The following DESI2 variants were observed in gnomAD, a reference collection of about 807,000 sequenced individuals.
DESI2 encodes desumoylating isopeptidase 2.
A neutral mutation model predicts 24.1 loss-of-function variants in DESI2; 10 were observed. The observed-to-expected ratio is 0.41, with a 90% CI of 0.26 to 0.70. The LOEUF (loss-of-function observed/expected upper bound fraction) is 0.70. Ranked by LOEUF, DESI2 falls within the 30% of genes least tolerant of loss-of-function variation. DESI2 has a pLI of 0.29. For synonymous variants in DESI2, 71 were observed against 87.7 expected (o/e 0.81, Z 1.06); for missense variants, 122 against 234.9 (o/e 0.52, Z 3.14).
At chr1:244,661,802 T>C (rs906048083) in intron 1 of DESI2, among the ~76,000 whole-genome samples, 6 of 152,346 alleles carry the variant, frequency 3.9e-5, no homozygotes, top group Non-Finnish European at 8.8e-5. Context: ...CTTAATCCAG[T>C]CTATCATTGA....
At chr1:244,682,679 A>G (rs767997693) in intron 1 of DESI2, among the ~76,000 whole-genome samples, 1 of 152,236 alleles carries the variant, frequency 6.6e-6, no homozygotes, top group African/African-American at 2.4e-5. Flanking sequence ...CAACTCTGCC[A>G]TTGTGGCATA....
At chr1:244,699,860 G>T (rs1203623097) in intron 4 of DESI2, among the ~76,000 whole-genome samples, 1 of 152,144 alleles carries the variant, frequency 6.6e-6, no homozygotes, top group Non-Finnish European at 1.5e-5. Flanking sequence ...ACCTTTTTAA[G>T]ATGCTGCAAG....
intron 1 of DESI2, among the ~76,000 whole-genome samples, chr1:244,662,452 A>T (rs1370238310): frequency 6.6e-6 from 1 of 152,128 alleles, no homozygotes; most frequent in African/African-American, 2.4e-5. Context: ...TAAACTTATA[A>T]ATTAACTTGG....
chr1:244,694,671 G>A (rs1486882973), intron 4 of DESI2: 7 of 772,896 alleles, frequency 9.1e-6, no homozygotes, highest in South Asian at 2.7e-5. Flanking sequence ...GCAGTGGCAC[G>A]TGTGCGTCTT....
rs934286148 is a variant in DESI2, at chr1:244,705,911, T to G, written c.*122T>G. On this transcript the variant is annotated 3_prime_UTR_variant, in exon 5 of 5. Transcript: ENST00000302550. ...AAGATGGCTCTCCCCCAAATCCCAG[T>G]TTTTCAGCTCAGGATTATATTTGTA... is the stretch of plus-strand genomic sequence containing the variant. 1 of 704,846 alleles carries G rather than the reference T, an allele frequency of 1.4e-6. No homozygotes were observed. The highest frequency in any genetic ancestry group is 2.3e-6 in the Non-Finnish European group (1 of 431,290). The allele number at this position is 704,846 out of a possible 1,614,324, so 43.7% of individuals were successfully genotyped here.
intron 4 of DESI2, among the ~76,000 whole-genome samples, chr1:244,697,213 T>C (rs1278927903): frequency 2.0e-5 from 3 of 152,006 alleles, no homozygotes; most frequent in Non-Finnish European, 2.9e-5. Context: ...CACAGAAATA[T>C]AACAGAAGGA....
At position 244,706,658 on chromosome 1, in the gene DESI2, G is replaced by GTA. The variant is rs1326650956; in HGVS notation, c.*870_*871dup. The GTA allele has an allele frequency of 6.6e-6, 1 of 152,524 alleles. No homozygotes were observed. Among genetic ancestry groups the GTA allele is most frequent in the Non-Finnish European group, 1.5e-5 (1 of 68,024 alleles). The allele number at this position is 152,524 out of a possible 1,614,324, so 9.4% of individuals were successfully genotyped here. On this transcript the variant is annotated 3_prime_UTR_variant, in exon 5 of 5. Transcript: ENST00000302550. ...TGATGGTGTGGGAATATCCTAAGTG[G>GTA]TAGCCTTCCAAGTAGCAGTGAGTTG...
chr1:244,691,854 C>CTT, intron 3 of DESI2, 25 bp from the exon 4 acceptor site: 1 of 1,527,498 alleles, frequency 6.5e-7, no homozygotes, highest in Admixed American at 2.4e-5. Flanking sequence ...TTTTCTTTCT[C>CTT]TTTTTTTTCT....
At chr1:244,673,989 C>CTTT (rs143887006) in intron 1 of DESI2, among the ~76,000 whole-genome samples, 6 of 73,198 alleles carry the variant, frequency 8.2e-5, no homozygotes, top group African/African-American at 3.1e-4. Context: ...ACTTCTGTCT[C>CTTT]TTTTTTTTTT....
rs1428513176 is a variant in DESI2 at position 244,653,189 on chromosome 1, G to C, written c.-125G>C. 1 of 989,894 alleles carries C rather than the reference G, an allele frequency of 1.0e-6. No homozygotes were observed. Among genetic ancestry groups the C allele is most frequent in the Non-Finnish European group, 1.4e-6 (1 of 740,488 alleles). 61.3% of individuals were successfully genotyped at this position (989,894 alleles called of 1,614,324 possible). A position where few individuals can be genotyped will look rare whatever the true frequency, so the allele number is the denominator to read the frequency against. ...GCCCGATGCTTCCGCCCCGGCTGCC[G>C]CGGGCCGGGCTGTACGCTTAGTGCC... On this transcript the variant is annotated 5_prime_UTR_variant, in exon 1 of 5. Transcript: ENST00000302550.
At chr1:244,688,712 G>GGT (rs1676909222) in intron 2 of DESI2, among the ~76,000 whole-genome samples, 4 of 135,326 alleles carry the variant, frequency 3.0e-5, no homozygotes, top group Non-Finnish European at 6.8e-5. Flanking sequence ...GGGTGGATGG[G>GGT]TATGTGTGTT....
chr1:244,673,047 A>G (rs768756748), intron 1 of DESI2, among the ~76,000 whole-genome samples: 1 of 152,178 alleles, frequency 6.6e-6, no homozygotes, highest in Non-Finnish European at 1.5e-5. Flanking sequence ...TTATCTCACT[A>G]AATATTCACT....
chr1:244,653,731 TC>T, intron 1 of DESI2: 1 of 358,540 alleles, frequency 2.8e-6, no homozygotes, highest in Non-Finnish European at 5.3e-6. Flanking sequence ...GGGACCCCCG[TC>T]CCGACCGCCT....
At chr1:244,668,942 A>G (rs766501597) in intron 1 of DESI2, among the ~76,000 whole-genome samples, 13 of 152,146 alleles carry the variant, frequency 8.5e-5, no homozygotes, top group Non-Finnish European at 1.5e-4. Context: ...ATTTTTCTGC[A>G]ATTTTTTTCT....
chr1:244,692,196 A>T (rs554470954), intron 4 of DESI2, among the ~76,000 whole-genome samples, 176 bp downstream of exon 4: 3 of 152,132 alleles, frequency 2.0e-5, no homozygotes, highest in Non-Finnish European at 4.4e-5. Context: ...GTAACTTGAG[A>T]GTCCGCAGTT....
At chr1:244,694,396 G>A (rs899539990) in intron 4 of DESI2, 23 of 657,534 alleles carry the variant, frequency 3.5e-5, no homozygotes, top group South Asian at 1.4e-4. Context: ...TTTTTAAACC[G>A]GAACATCTAT....
intron 1 of DESI2, among the ~76,000 whole-genome samples, chr1:244,657,422 CA>C (rs35842655): frequency 6.6e-6 from 1 of 152,180 alleles, no homozygotes; most frequent in African/African-American, 2.4e-5. Context: ...TGCCACTGCC[CA>C]AAAAGCCACC....
Position 244,686,663 on chromosome 1 carries a change from G to A in DESI2, c.109G>A (p.Gly37Ser). 6.2e-7 allele frequency: 1 copy of A among 1,600,600 alleles called. No homozygotes were observed. The highest frequency in any genetic ancestry group is 8.6e-7 in the Non-Finnish European group (1 of 1,167,696). ...GVFHSGIEVY[G>S]REFAYGGHPY... is the part of the protein sequence containing the mutation. ...TTTTCATTCAGGAATTGAAGTCTAT[G>A]GCAGAGGTACGTGTACACACAGTCT... is the stretch of plus-strand genomic sequence containing the variant. Residue 37 changes from glycine to serine, a missense_variant, in exon 2 of 5, where the codon GGC (glycine) becomes AGC (serine). Physicochemically the swap from Gly to Ser is moderately conservative, Grantham distance 56 (BLOSUM62 0). Coordinates refer to ENST00000302550, the MANE Select transcript of DESI2 (RefSeq NM_016076.5).
At chr1:244,693,019 C>T (rs1677082530) in intron 4 of DESI2, among the ~76,000 whole-genome samples, 1 of 152,174 alleles carries the variant, frequency 6.6e-6, no homozygotes, top group Non-Finnish European at 1.5e-5. Flanking sequence ...TAGTTCTGAG[C>T]TTTCTTGACC....
Sources: allele counts gnomAD v4.1 joint callset (sites outside exome capture counted in the v4.1 genomes callset), GRCh38; gene constraint gnomAD v4.1.1; transcripts MANE v1.5; gene names NCBI Gene and HGNC (gene_info 2026-07-23, HGNC 2026-07-21).